The following ANK3 variants were observed in gnomAD, a reference collection of about 807,000 sequenced individuals.
ANK3 encodes the protein ankyrin-3.
Under a neutral mutation model 370.9 loss-of-function variants are expected in ANK3, and 57 were observed. That is an observed-to-expected ratio of 0.15 (90% CI 0.12 to 0.19). The LOEUF is 0.19. Among genes scored for constraint, ANK3 ranks in the 10% least tolerant of loss-of-function variants. The probability of loss-of-function intolerance (pLI) is 1.00; values close to 1 mark genes in which losing one functional copy is unlikely to be tolerated. For synonymous variants in ANK3, 1,929 were observed against 1,946.3 expected (o/e 0.99, Z 0.23); for missense variants, 4,439 against 5,302.1 (o/e 0.84, Z 5.06).
At position 60,446,829 on chromosome 10, in the gene ANK3, C is replaced by G. The variant is rs370687675; in HGVS notation, c.97-167190G>C. Among the ~76,000 whole-genome samples, 16 of 152,126 alleles carry G rather than the reference C, an allele frequency of 1.1e-4. No homozygotes were observed. The South Asian group carries it at 2.9e-3, about 28-fold the overall frequency. On this transcript the variant is annotated intron_variant, in intron 2 of 43. Transcript: ENST00000373827. ...AAAACTACCATAACCAATGAAAATGCCTTTGAAAAAAATAATACAATGGCA... is the reference window on the plus strand; with the variant it reads ...AAAACTACCATAACCAATGAAAATGGCTTTGAAAAAAATAATACAATGGCA...
At chr10:60,693,590 C>T (rs1213934800) in intron 1 of ANK3, among the ~76,000 whole-genome samples, 1 of 152,180 alleles carries the variant, frequency 6.6e-6, no homozygotes, top group Non-Finnish European at 1.5e-5. Flanking sequence ...GGGTCCCTGA[C>T]CCCTGACCCC....
chr10:60,589,239 C>A (rs2077876814), intron 2 of ANK3, among the ~76,000 whole-genome samples: 1 of 151,990 alleles, frequency 6.6e-6, no homozygotes, highest in Admixed American at 6.6e-5. Context: ...AATTAGGTAC[C>A]AGTTAAAATT....
At chr10:60,505,032 C>T (rs180782407) in intron 2 of ANK3, among the ~76,000 whole-genome samples, 4 of 151,986 alleles carry the variant, frequency 2.6e-5, no homozygotes, top group Admixed American at 6.6e-5. Context: ...TTTTTAGACA[C>T]GTATATGAAG....
Position 60,569,137 on chromosome 10 carries a change from C to G in ANK3, c.96+46049G>C, listed in dbSNP as rs562483262. Among the ~76,000 whole-genome samples the G allele has an allele frequency of 2.6e-5, 4 of 152,176 alleles. No individual in the cohort carries two copies. In the South Asian group the frequency reaches 6.2e-4, roughly 24 times the overall value. On this transcript the variant is annotated intron_variant, in intron 2 of 43. Transcript: ENST00000373827. The stretch of plus-strand genomic sequence containing the variant: ...ACTTCCTACATTTTATTCTTGGCAG[C>G]TGGTTAAAATAAGCACTTCTGCAGT...
rs114425882 is a variant in ANK3, at chr10:60,202,616, T to C, written c.1392+386A>G. Among the ~76,000 whole-genome samples the C allele has an allele frequency of 3.8e-3, 577 of 152,298 alleles. 6 individuals are homozygous for C. Among genetic ancestry groups the C allele is most frequent in the African/African-American group, 0.013 (548 of 41,550 alleles). The stretch of plus-strand genomic sequence containing the variant: ...TTAATTACATATTAATTAATTATAA[T>C]AACAATAAGGCCGGGCATGGTGGCT... On this transcript the variant is annotated intron_variant, in intron 12 of 43. Coordinates refer to ENST00000280772, the MANE Select transcript of ANK3 (RefSeq NM_020987.5).
chr10:60,361,101 C>T (rs546648113), intron 1 of ANK3, among the ~76,000 whole-genome samples: 1 of 152,284 alleles, frequency 6.6e-6, no homozygotes, highest in African/African-American at 2.4e-5. Flanking sequence ...AGATACTGGA[C>T]ATATTCCAGA....
intron 1 of ANK3, among the ~76,000 whole-genome samples, chr10:60,682,156 C>A (rs1230501025): frequency 6.6e-6 from 1 of 152,118 alleles, no homozygotes; most frequent in Admixed American, 6.5e-5. Flanking sequence ...TTAAAAAAAA[C>A]AAAATAATTA....
At chr10:60,338,672 A>G (rs1221626059) in intron 1 of ANK3, among the ~76,000 whole-genome samples, 2 of 152,130 alleles carry the variant, frequency 1.3e-5, no homozygotes, top group East Asian at 3.9e-4. Flanking sequence ...GGTGATTTAT[A>G]AGGTAGAGGA....
At chr10:60,331,486 C>T (rs1470812292) in intron 1 of ANK3, among the ~76,000 whole-genome samples, 2 of 150,554 alleles carry the variant, frequency 1.3e-5, no homozygotes, top group Non-Finnish European at 2.9e-5. Flanking sequence ...TAAAAAATTT[C>T]GACAATGGGA....
chr10:60,335,526 T>C lies in ANK3; in HGVS notation c.114+53899A>G, dbSNP rs115096859. 4.8e-3 allele frequency among the ~76,000 whole-genome samples: 723 copies of C among 152,184 alleles called. 7 individuals carry two copies. The highest frequency in any genetic ancestry group is 0.017 in the African/African-American group (692 of 41,516). On this transcript the variant is annotated intron_variant, in intron 1 of 43. Coordinates refer to ENST00000280772, the MANE Select transcript of ANK3 (RefSeq NM_020987.5). ...AATGTGGCAGGTTGGCCCACCTAAA[T>C]TGCAGCCTTTACAAACAGCTGCAGA...
chr10:60,053,621 G>A, intron 42 of ANK3: 1 of 1,254,662 alleles, frequency 8.0e-7, no homozygotes. Context: ...AATTTTCTCA[G>A]TACTCTTTGC....
At chr10:60,109,079 A>C in intron 26 of ANK3, 25 bp from the exon 27 acceptor site, 1 of 1,583,956 alleles carries the variant, frequency 6.3e-7, no homozygotes, top group Non-Finnish European at 8.7e-7. Flanking sequence ...TCAGAGGCCA[A>C]TTCAAGGACG....
chr10:60,563,814 C>T lies in ANK3; in HGVS notation c.96+51372G>A, dbSNP rs777919498. Among the ~76,000 whole-genome samples the T allele has an allele frequency of 6.5e-4, 99 of 152,064 alleles. 1 individual carries two copies. The highest frequency in any genetic ancestry group is 1.0e-3 in the Non-Finnish European group (69 of 68,014). ...AAATTTATATCATGTTTTTTCCATC[C>T]TTTTTATAATAAAAAGCTTGAAGAA... On this transcript the variant is annotated intron_variant, in intron 2 of 43. Transcript: ENST00000373827.
chr10:60,130,414 T>C (rs2132170463), intron 25 of ANK3, among the ~76,000 whole-genome samples: 1 of 152,326 alleles, frequency 6.6e-6, no homozygotes, highest in South Asian at 2.1e-4. Context: ...AAGAGAAGTG[T>C]ATGAGAGTTC....
At chr10:60,362,113 C>T (rs1052049149) in intron 1 of ANK3, among the ~76,000 whole-genome samples, 2 of 152,116 alleles carry the variant, frequency 1.3e-5, no homozygotes, top group African/African-American at 4.8e-5. Context: ...CATATCTATA[C>T]TCTCAGGATG....
At chr10:60,569,218 T>A (rs2077534209) in intron 2 of ANK3, among the ~76,000 whole-genome samples, 1 of 152,192 alleles carries the variant, frequency 6.6e-6, no homozygotes, top group Non-Finnish European at 1.5e-5. Context: ...TAGGATCAGT[T>A]ACTCTACATC....
Position 60,240,167 on chromosome 10 carries a change from T to TATATACACAC in ANK3, c.799-5382_799-5381insGTGTGTATAT, listed in dbSNP as rs1246871282. ...ACACATATATATACATATATACACA[T>TATATACACAC]ATATATACATATATACACATATATA... On this transcript the variant is annotated intron_variant, in intron 7 of 43. Coordinates refer to ENST00000280772, the MANE Select transcript of ANK3 (RefSeq NM_020987.5). Among the ~76,000 whole-genome samples, 18 of 129,186 alleles carry TATATACACAC rather than the reference T, an allele frequency of 1.4e-4. No individual in the cohort carries two copies. In the East Asian group the frequency reaches 3.7e-3, roughly 26 times the overall value. The allele number at this position is 129,186 out of a possible 152,430, so 84.8% of individuals were successfully genotyped here. A position where few individuals can be genotyped will look rare whatever the true frequency, so the allele number is the denominator to read the frequency against.
intron 2 of ANK3, among the ~76,000 whole-genome samples, chr10:60,432,864 T>C (rs1282258431): frequency 6.6e-6 from 1 of 152,142 alleles, no homozygotes; most frequent in African/African-American, 2.4e-5. Context: ...GAAAGTCATT[T>C]ACAGAATAAA....
At chr10:60,201,708 C>CTT (rs10544317) in intron 12 of ANK3, among the ~76,000 whole-genome samples, 28 of 120,302 alleles carry the variant, frequency 2.3e-4, no homozygotes, top group Non-Finnish European at 3.5e-4. Context: ...GAAATCACTT[C>CTT]TTTTTTTTTT....
Sources: gnomAD v4.1 joint callset for allele counts (sites outside exome capture counted in the v4.1 genomes callset) on GRCh38, gnomAD v4.1.1 for gene constraint, MANE v1.5 for transcripts, NCBI Gene and HGNC (gene_info 2026-07-23, HGNC 2026-07-21) for gene names.